Variants in HORMAD2 observed in about 807,000 individuals in gnomAD.
The protein encoded by HORMAD2 is HORMA domain containing 2, also known as HORMA domain-containing protein 2.
A neutral mutation model predicts 38.8 loss-of-function variants in HORMAD2; 45 were observed. The observed-to-expected ratio is 1.16, with a 90% CI of 0.91 to 1.49. HORMAD2 has a LOEUF of 1.49. HORMAD2 is among the 40% of genes most tolerant of loss of function. HORMAD2 has a pLI of 0.00. For synonymous variants in HORMAD2, 126 were observed against 122.8 expected (o/e 1.03, Z -0.17); for missense variants, 338 against 367.0 (o/e 0.92, Z 0.65).
At chr22:30,096,481 AT>A (rs545148119) in intron 2 of HORMAD2, among the ~76,000 whole-genome samples, 142 of 144,576 alleles carry the variant, frequency 9.8e-4, no homozygotes, top group Admixed American at 1.4e-3. Flanking sequence ...TCTCATTGTG[AT>A]TTTTTTTTTT....
At chr22:30,149,444 A>G (rs1056498497) in intron 10 of HORMAD2, among the ~76,000 whole-genome samples, 1 of 152,258 alleles carries the variant, frequency 6.6e-6, no homozygotes, top group Non-Finnish European at 1.5e-5. Flanking sequence ...CAGCACAGAT[A>G]TAGAACATTC....
the HORMAD2 span, among the ~76,000 whole-genome samples, chr22:30,187,520 T>A: frequency 6.6e-6 from 1 of 152,082 alleles, no homozygotes; most frequent in Non-Finnish European, 1.5e-5. Flanking sequence ...TGTGTGTGTG[T>A]GTGTGTGTGT....
In HORMAD2 at chr22:30,119,031, A is replaced by T. The variant is rs964000050; in HGVS notation, c.394A>T (p.Thr132Ser). Reference protein sequence around the residue: ...FKFKYTKEGATMDFDSHSSST... With the variant: ...FKFKYTKEGASMDFDSHSSST... The stretch of plus-strand genomic sequence containing the variant: ...ATTCAAATACACGAAAGAAGGAGCC[A>T]CTATGGATTTTGACAGGTAGAATCT... Residue 132 changes from threonine (T) to serine (S), a missense_variant, in exon 8 of 11, where the codon ACT becomes TCT. Transcript: ENST00000336726. 2 of 1,585,506 alleles carry T rather than the reference A, an allele frequency of 1.3e-6. No individual in the cohort carries two copies. Among genetic ancestry groups the T allele is most frequent in the African/African-American group, 2.7e-5 (2 of 74,446 alleles).
At chr22:30,159,942 G>C (rs117486537) in intron 10 of HORMAD2, among the ~76,000 whole-genome samples, 1 of 152,090 alleles carries the variant, frequency 6.6e-6, no homozygotes, top group Non-Finnish European at 1.5e-5. Flanking sequence ...TCATGAGTCA[G>C]GGAAAATGTG....
At chr22:30,134,030 A>G (rs1157318146) in intron 10 of HORMAD2, among the ~76,000 whole-genome samples, 1 of 152,110 alleles carries the variant, frequency 6.6e-6, no homozygotes, top group Non-Finnish European at 1.5e-5. Context: ...GAACAAACAA[A>G]CTTTATCACT....
chr22:30,192,000 T>G, the HORMAD2 span: 4 of 152,218 alleles, frequency 2.6e-5, no homozygotes, highest in Non-Finnish European at 5.9e-5. Flanking sequence ...CCAAAAAATT[T>G]TGTTATTTCC....
chr22:30,079,078 T>C (rs1029808994), upstream of HORMAD2, among the ~76,000 whole-genome samples: 1 of 152,138 alleles, frequency 6.6e-6, no homozygotes, highest in African/African-American at 2.4e-5. Context: ...TCAGTTTTAG[T>C]CATTATGTTC....
intron 10 of HORMAD2, among the ~76,000 whole-genome samples, chr22:30,145,522 C>A (rs1012084205): frequency 3.3e-5 from 5 of 151,924 alleles, no homozygotes; most frequent in African/African-American, 1.2e-4. Context: ...TCCAAATAGA[C>A]CCTAGAGCTG....
At chr22:30,126,320 C>T (rs1329167998) in intron 10 of HORMAD2, among the ~76,000 whole-genome samples, 2 of 152,088 alleles carry the variant, frequency 1.3e-5, no homozygotes, top group Non-Finnish European at 2.9e-5. Flanking sequence ...AGGCGCCCGC[C>T]ACCACACCGC....
At chr22:30,184,476 A>G in the HORMAD2 span, among the ~76,000 whole-genome samples, 1 of 152,228 alleles carries the variant, frequency 6.6e-6, no homozygotes, top group Non-Finnish European at 1.5e-5. Flanking sequence ...ATTTCAAGTT[A>G]CTTATCATCT....
intron 10 of HORMAD2, among the ~76,000 whole-genome samples, chr22:30,173,806 C>A (rs189988499): frequency 1.2e-4 from 18 of 152,204 alleles, no homozygotes; most frequent in African/African-American, 4.3e-4. Context: ...AAAGACAGAA[C>A]TTTAGGAGAA....
chr22:30,196,324 A>G, the HORMAD2 span, among the ~76,000 whole-genome samples: 1 of 152,330 alleles, frequency 6.6e-6, no homozygotes, highest in Non-Finnish European at 1.5e-5. Flanking sequence ...TGATGTAAGA[A>G]AATTCCCCCA....
intron 1 of HORMAD2, among the ~76,000 whole-genome samples, chr22:30,089,303 G>C (rs2068638721): frequency 6.6e-6 from 1 of 151,482 alleles, no homozygotes; most frequent in Admixed American, 6.6e-5. Flanking sequence ...AGAAGCCCCA[G>C]TTGAAATTAA....
chr22:30,196,193 C>A, the HORMAD2 span, among the ~76,000 whole-genome samples: 2 of 152,220 alleles, frequency 1.3e-5, no homozygotes, highest in Non-Finnish European at 2.9e-5. Flanking sequence ...GATGATTGGA[C>A]AAGAGGCAGC....
At chr22:30,153,137 C>G (rs1924859049) in intron 10 of HORMAD2, among the ~76,000 whole-genome samples, 1 of 152,084 alleles carries the variant, frequency 6.6e-6, no homozygotes, top group Non-Finnish European at 1.5e-5. Context: ...AAATCATTCT[C>G]CTGCATTATC....
At chr22:30,148,276 T>A (rs1009575803) in intron 10 of HORMAD2, among the ~76,000 whole-genome samples, 2 of 152,106 alleles carry the variant, frequency 1.3e-5, no homozygotes, top group African/African-American at 4.8e-5. Flanking sequence ...AAAACTTAGA[T>A]GCAAAAGACT....
chr22:30,083,623 C>CTTT (rs112657704), intron 1 of HORMAD2, among the ~76,000 whole-genome samples: 1 of 151,130 alleles, frequency 6.6e-6, no homozygotes, highest in African/African-American at 2.4e-5. Context: ...AGGAGTCTGG[C>CTTT]TTTTTTTTTG....
At chr22:30,091,846 A>G (rs1342625049) in intron 1 of HORMAD2, among the ~76,000 whole-genome samples, 2 of 151,822 alleles carry the variant, frequency 1.3e-5, no homozygotes, top group African/African-American at 4.8e-5. Flanking sequence ...CCTTGCCAGC[A>G]TTCGTTATTT....
chr22:30,094,086 T>A lies in HORMAD2; in HGVS notation c.51+83T>A. 7 of 1,014,790 alleles carry A rather than the reference T, an allele frequency of 6.9e-6. No homozygotes were observed. The East Asian group carries it at 1.9e-4, about 27-fold the overall frequency. 62.9% of individuals were successfully genotyped at this position (1,014,790 alleles called of 1,614,324 possible). ...ATGATTTTAATCTTTTGTGTGTGTG[T>A]TTTTAAGCAGCAGTTTTATCAGTTA... On this transcript the variant is annotated intron_variant, in intron 2 of 10. Transcript: ENST00000336726.
Sources: allele counts gnomAD v4.1 joint callset (sites outside exome capture counted in the v4.1 genomes callset), GRCh38; gene constraint gnomAD v4.1.1; transcripts MANE v1.5; gene names NCBI Gene and HGNC (gene_info 2026-07-23, HGNC 2026-07-21).